SUGCT: variants seen among roughly 807,000 people sequenced by gnomAD.
The protein encoded by SUGCT is succinyl-CoA:glutarate CoA-transferase.
Under a neutral mutation model 55.0 loss-of-function variants are expected in SUGCT, and 41 were observed. That is an observed-to-expected ratio of 0.74 (90% CI 0.58 to 0.97). SUGCT has a LOEUF of 0.97. Among genes scored for constraint, SUGCT ranks in the 50% least tolerant of loss-of-function variants. The pLI is 0.00. For synonymous variants in SUGCT, 187 were observed against 200.4 expected, an observed-to-expected ratio of 0.93 and a Z score of 0.56; for missense variants, 568 against 547.8, an observed-to-expected ratio of 1.04 and a Z score of -0.37.
intron 12 of SUGCT, among the ~76,000 whole-genome samples, chr7:40,519,224 G>A (rs552904782): frequency 1.3e-5 from 2 of 152,106 alleles, no homozygotes; most frequent in Non-Finnish European, 2.9e-5. Context: ...CTGAGTAACT[G>A]TCCTAGAATG....
At chr7:41,028,690 A>T in the SUGCT span, among the ~76,000 whole-genome samples, 1 of 152,238 alleles carries the variant, frequency 6.6e-6, no homozygotes, top group Admixed American at 6.5e-5. Context: ...TTGTAATCTT[A>T]TGGGACCACC....
At chr7:40,534,037 G>T (rs1562843226) in intron 12 of SUGCT, among the ~76,000 whole-genome samples, 1 of 152,126 alleles carries the variant, frequency 6.6e-6, no homozygotes, top group Non-Finnish European at 1.5e-5. Flanking sequence ...CTAAGTGTTT[G>T]TGTGTGTTAA....
the SUGCT span, among the ~76,000 whole-genome samples, chr7:40,925,472 C>T: frequency 1.3e-5 from 2 of 152,202 alleles, no homozygotes. Context: ...ACTATTGTGA[C>T]AAACCTTGGC....
chr7:41,009,695 C>T, the SUGCT span, among the ~76,000 whole-genome samples: 5 of 152,150 alleles, frequency 3.3e-5, no homozygotes, highest in Admixed American at 6.5e-5. Flanking sequence ...CATCCACTAT[C>T]CATCCTTCCT....
In SUGCT at chr7:40,439,122, A is replaced by G. The variant is rs534408974; in HGVS notation, c.817-10165A>G. On this transcript the variant is annotated intron_variant, in intron 9 of 13. Coordinates refer to ENST00000335693, the MANE Select transcript of SUGCT (RefSeq NM_001193313.2). ...TATATATATATATATGGATAGAGAG[A>G]GAGAGAGAGAGTTGCTGCTGTCTCA... Among the ~76,000 whole-genome samples the G allele has an allele frequency of 4.2e-4, 58 of 138,556 alleles. 1 individual carries two copies. The highest frequency in any genetic ancestry group is 1.5e-3 in the African/African-American group (54 of 37,208). 90.9% of individuals were successfully genotyped at this position (138,556 alleles called of 152,430 possible).
intron 12 of SUGCT, among the ~76,000 whole-genome samples, chr7:40,688,375 C>T (rs1239139585): frequency 6.6e-6 from 1 of 152,130 alleles, no homozygotes; most frequent in African/African-American, 2.4e-5. Flanking sequence ...CAAGAAATTA[C>T]AATCCAAGTC....
intron 6 of SUGCT, among the ~76,000 whole-genome samples, chr7:40,200,772 G>T (rs1162999301): frequency 6.6e-6 from 1 of 152,090 alleles, no homozygotes. Context: ...TTCAATTCCT[G>T]GTTGACTGAC....
chr7:40,845,866 T>C (rs537153957), intron 13 of SUGCT, among the ~76,000 whole-genome samples: 1 of 152,296 alleles, frequency 6.6e-6, no homozygotes, highest in East Asian at 1.9e-4. Flanking sequence ...ATAAGACTAA[T>C]TCTTTTACTA....
intron 6 of SUGCT, among the ~76,000 whole-genome samples, chr7:40,227,872 TTATA>T (rs1232762324): frequency 6.8e-6 from 1 of 148,144 alleles, no homozygotes. Flanking sequence ...ATTTATTTAT[TTATA>T]TATTTATTTA....
intron 7 of SUGCT, among the ~76,000 whole-genome samples, chr7:40,271,185 C>A (rs1791982525): frequency 6.6e-6 from 1 of 152,104 alleles, no homozygotes; most frequent in South Asian, 2.1e-4. Context: ...CATTTTATTT[C>A]TTTTTGTACC....
chr7:40,173,074 T>A (rs1784752891), intron 1 of SUGCT, among the ~76,000 whole-genome samples: 1 of 152,196 alleles, frequency 6.6e-6, no homozygotes. Flanking sequence ...TGGCGGCAAG[T>A]CTTTTATTCT....
intron 6 of SUGCT, among the ~76,000 whole-genome samples, chr7:40,204,193 G>A (rs1418536248): frequency 6.6e-6 from 1 of 151,892 alleles, no homozygotes; most frequent in Non-Finnish European, 1.5e-5. Context: ...GTCTCACTAT[G>A]TTGCCCAGAC....
At chr7:40,752,324 C>G (rs187646264) in intron 13 of SUGCT, among the ~76,000 whole-genome samples, 1,635 of 152,238 alleles carry the variant, frequency 0.011, 11 homozygotes, top group Non-Finnish European at 0.018. Context: ...ACCCTTATGC[C>G]TGCATCTTAT....
the SUGCT span, among the ~76,000 whole-genome samples, chr7:40,947,324 C>G: frequency 6.6e-6 from 1 of 152,118 alleles, no homozygotes; most frequent in Admixed American, 6.6e-5. Context: ...TATTGACATT[C>G]TCCAATTGAT....
chr7:40,910,742 C>T, the SUGCT span, among the ~76,000 whole-genome samples: 11 of 152,284 alleles, frequency 7.2e-5, no homozygotes, highest in South Asian at 2.1e-3. Context: ...TTATGGAAAG[C>T]AGGAAGCACA....
At chr7:40,196,292 T>C (rs1189374875) in intron 6 of SUGCT, among the ~76,000 whole-genome samples, 1 of 152,202 alleles carries the variant, frequency 6.6e-6, no homozygotes, top group East Asian at 1.9e-4. Context: ...GTTATATTAA[T>C]AGTTTGCATC....
chr7:40,947,758 T>C, the SUGCT span, among the ~76,000 whole-genome samples: 1 of 152,218 alleles, frequency 6.6e-6, no homozygotes, highest in East Asian at 1.9e-4. Flanking sequence ...CACTAATCAT[T>C]GGAAAGACAT....
At chr7:40,733,911 T>C (rs1374886176) in intron 12 of SUGCT, among the ~76,000 whole-genome samples, 1 of 152,212 alleles carries the variant, frequency 6.6e-6, no homozygotes, top group Non-Finnish European at 1.5e-5. Context: ...TCAAGAGTGA[T>C]AATGAGTCTT....
intron 9 of SUGCT, among the ~76,000 whole-genome samples, chr7:40,323,752 G>A (rs1795867177): frequency 1.3e-5 from 2 of 152,134 alleles, no homozygotes; most frequent in Non-Finnish European, 2.9e-5. Flanking sequence ...CAAAATCCCA[G>A]TGCGGATAGA....
Sources: gnomAD v4.1 joint callset for allele counts (sites outside exome capture counted in the v4.1 genomes callset) on GRCh38, gnomAD v4.1.1 for gene constraint, MANE v1.5 for transcripts, NCBI Gene and HGNC (gene_info 2026-07-23, HGNC 2026-07-21) for gene names.